Variants in PIAS2 observed in about 807,000 individuals in gnomAD.
PIAS2 encodes the protein protein inhibitor of activated STAT 2.
Under a neutral mutation model 69.7 loss-of-function variants are expected in PIAS2, and 19 were observed. The ratio of observed to expected loss-of-function variants is 0.27; its 90% CI spans 0.19 to 0.40. The LOEUF (loss-of-function observed/expected upper bound fraction) is 0.40, where lower values mean the gene tolerates loss of function less well. Among genes scored for constraint, PIAS2 ranks in the 10% least tolerant of loss-of-function variants. The pLI is 1.00. For synonymous variants in PIAS2, 261 were observed against 263.2 expected, an observed-to-expected ratio of 0.99 and a Z score of 0.08; for missense variants, 624 against 757.0, an observed-to-expected ratio of 0.82 and a Z score of 2.06.
chr18:46,834,902 T>C (rs2044207866), intron 9 of PIAS2, among the ~76,000 whole-genome samples: 1 of 152,216 alleles, frequency 6.6e-6, no homozygotes. Flanking sequence ...AGCTTACTCC[T>C]CCTGGGAGGC....
rs2053931629 is a variant in PIAS2 at position 46,890,626 on chromosome 18, C to T, written c.453G>A (p.Leu151=). 6.2e-7 allele frequency: 1 copy of T among 1,613,916 alleles called. No individual in the cohort carries two copies. The highest frequency in any genetic ancestry group is 1.7e-5 in the Admixed American group (1 of 59,996). The change falls in exon 2 of 14, where the codon CTG becomes CTA. Residue 151 remains leucine (L), a synonymous_variant. Transcript: ENST00000585916. Reference sequence around the variant, plus strand: ...GAACATCAAGGACATCATAAAAGGGCAGATTTTTTAACTGCACATCAGGAT... The same window carrying T: ...GAACATCAAGGACATCATAAAAGGGTAGATTTTTTAACTGCACATCAGGAT... ...PVHPDVQLKN[L]PFYDVLDVLI...
At chr18:46,914,490 G>A (rs1187451242) in intron 1 of PIAS2, among the ~76,000 whole-genome samples, 1 of 152,064 alleles carries the variant, frequency 6.6e-6, no homozygotes, top group Non-Finnish European at 1.5e-5. Context: ...ACTGGCTCAC[G>A]CAGCAGTCTC....
At chr18:46,841,724 C>G (rs2145189781) in intron 8 of PIAS2, among the ~76,000 whole-genome samples, 1 of 152,314 alleles carries the variant, frequency 6.6e-6, no homozygotes, top group Non-Finnish European at 1.5e-5. Context: ...AAGACAGTCT[C>G]ACGAATAGAC....
Position 46,840,752 on chromosome 18 carries a change from T to G in PIAS2, c.1041+3302A>C, listed in dbSNP as rs1431354996. On this transcript the variant is annotated intron_variant, in intron 8 of 13. Coordinates refer to ENST00000585916, the MANE Select transcript of PIAS2 (RefSeq NM_004671.5). ...AAAGGACCTGAATGTGCCACCAAAA[T>G]AAATTCTAATTCTAATTTAATCAGA... Among the ~76,000 whole-genome samples, 4 of 152,224 alleles carry G rather than the reference T, an allele frequency of 2.6e-5. No individual in the cohort carries two copies. The East Asian group carries it at 5.8e-4, about 22-fold the overall frequency.
intron 2 of PIAS2, among the ~76,000 whole-genome samples, chr18:46,870,045 C>A (rs994783623): frequency 6.6e-6 from 1 of 152,070 alleles, no homozygotes; most frequent in Non-Finnish European, 1.5e-5. Context: ...GTGCACAGGA[C>A]CCCCTTCACT....
Position 46,846,776 on chromosome 18 carries a change from T to A in PIAS2, c.792A>T (p.Thr264=). Residue 264 remains threonine, a synonymous_variant, in exon 6 of 14, where the codon ACA becomes ACT. Coordinates refer to ENST00000585916, the MANE Select transcript of PIAS2 (RefSeq NM_004671.5). ...CAGCTGAAGATAACCTAACTAAAGATGTAATATTCAAGGGGCGTCCAGGGC... is the reference window on the plus strand; with the variant it reads ...CAGCTGAAGATAACCTAACTAAAGAAGTAATATTCAAGGGGCGTCCAGGGC... ...QKRPGRPLNI[T]SLVRLSSAVP... is the part of the protein sequence containing the mutation. 1 of 1,613,212 alleles carries A rather than the reference T, an allele frequency of 6.2e-7. No individual in the cohort carries two copies. Among genetic ancestry groups the A allele is most frequent in the African/African-American group, 1.3e-5 (1 of 75,016 alleles).
chr18:46,859,554 G>A (rs563308674), intron 3 of PIAS2, among the ~76,000 whole-genome samples: 4 of 151,918 alleles, frequency 2.6e-5, no homozygotes, highest in East Asian at 3.9e-4. Flanking sequence ...TTAAGGAAAC[G>A]AGTAATGCAG....
At chr18:46,872,988 G>A (rs1434597543) in intron 2 of PIAS2, among the ~76,000 whole-genome samples, 4 of 152,108 alleles carry the variant, frequency 2.6e-5, no homozygotes, top group South Asian at 2.1e-4. Flanking sequence ...GTAGCTTTAG[G>A]GGTGCTTACT....
intron 2 of PIAS2, among the ~76,000 whole-genome samples, chr18:46,877,347 T>C (rs2051380587): frequency 6.6e-6 from 1 of 152,208 alleles, no homozygotes; most frequent in South Asian, 2.1e-4. Flanking sequence ...GTAACTTCCT[T>C]GTTCTTTGTT....
intron 12 of PIAS2, among the ~76,000 whole-genome samples, chr18:46,818,903 A>G (rs980813377): frequency 5.9e-5 from 9 of 152,108 alleles, no homozygotes; most frequent in Non-Finnish European, 1.3e-4. Flanking sequence ...TTTTTACCAA[A>G]TAGCCAGTTC....
chr18:46,846,938 C>T, intron 5 of PIAS2, 97 bp from the exon 6 acceptor site: 1 of 1,062,472 alleles, frequency 9.4e-7, no homozygotes, highest in Non-Finnish European at 1.3e-6. Context: ...ATTTCAGTTA[C>T]ACTATTTTTA....
rs1393045007 is a variant in PIAS2 at position 46,803,757 on chromosome 18, C to G, written c.*8676G>C. The G allele has an allele frequency of 1.3e-5, 2 of 152,204 alleles. No individual in the cohort carries two copies. Among genetic ancestry groups the G allele is most frequent in the Non-Finnish European group, 2.9e-5 (2 of 68,036 alleles). 9.4% of individuals were successfully genotyped at this position (152,204 alleles called of 1,614,324 possible). A position where few individuals can be genotyped will look rare whatever the true frequency, so the allele number is the denominator to read the frequency against. On this transcript the variant is annotated 3_prime_UTR_variant, in exon 14 of 14. Coordinates refer to ENST00000585916, the MANE Select transcript of PIAS2 (RefSeq NM_004671.5). ...GACCCAGATAAGGTGGTCCTCAGTA[C>G]ATAACCTAGAGTAGATCATATGAAG...
At chr18:46,852,436 C>T (rs879568949) in intron 5 of PIAS2, among the ~76,000 whole-genome samples, 1 of 152,198 alleles carries the variant, frequency 6.6e-6, no homozygotes, top group Non-Finnish European at 1.5e-5. Flanking sequence ...TCCTCCTTCA[C>T]AACTGCCCAT....
chr18:46,918,254 C>A (rs1211581527), upstream of PIAS2, among the ~76,000 whole-genome samples: 3 of 152,086 alleles, frequency 2.0e-5, no homozygotes, highest in African/African-American at 7.2e-5. Context: ...GTCAAGATGG[C>A]CAGAAAAATC....
In PIAS2 at chr18:46,828,146, C is replaced by T. The variant is rs1319101481; in HGVS notation, c.1337-16G>A. The T allele has an allele frequency of 1.9e-6, 3 of 1,566,252 alleles. No individual in the cohort carries two copies. The highest frequency in any genetic ancestry group is 1.7e-6 in the Non-Finnish European group (2 of 1,160,364). On this transcript the variant is annotated splice_polypyrimidine_tract_variant and intron_variant, in intron 10 of 13. Coordinates refer to ENST00000585916, the MANE Select transcript of PIAS2 (RefSeq NM_004671.5). ...ACGCTTGAACCTGCATGTAAAGAAA[C>T]AAAAGGAAAAAAAAATTAAAGGTAT...
chr18:46,910,595 A>G (rs1303919542), intron 1 of PIAS2, among the ~76,000 whole-genome samples: 1 of 152,194 alleles, frequency 6.6e-6, no homozygotes, highest in Admixed American at 6.5e-5. Flanking sequence ...ATGAAAGATG[A>G]TAGAAGAACT....
chr18:46,858,025 A>T lies in PIAS2; in HGVS notation c.585-2410T>A, dbSNP rs546838643. Among the ~76,000 whole-genome samples, 3 of 152,314 alleles carry T rather than the reference A, an allele frequency of 2.0e-5. No homozygotes were observed. The East Asian group carries it at 5.8e-4, about 29-fold the overall frequency. ...AGAGACAAATGACACATTAAAGCAA[A>T]TCTGGAAAGGCATCACAGGGGACGT... On this transcript the variant is annotated intron_variant, in intron 3 of 13. Coordinates refer to ENST00000585916, the MANE Select transcript of PIAS2 (RefSeq NM_004671.5).
At chr18:46,855,992 CT>C (rs1256937354) in intron 3 of PIAS2, among the ~76,000 whole-genome samples, 2 of 69,148 alleles carry the variant, frequency 2.9e-5, no homozygotes, top group African/African-American at 1.1e-4. Flanking sequence ...TTTTCTTTTT[CT>C]TTTGTTTTTT....
intron 2 of PIAS2, among the ~76,000 whole-genome samples, chr18:46,875,311 C>T (rs1270361779): frequency 3.3e-5 from 5 of 152,162 alleles, no homozygotes; most frequent in African/African-American, 1.2e-4. Context: ...GGATGGACAG[C>T]CAGGCCCCCT....
Sources: gnomAD v4.1 joint callset for allele counts (sites outside exome capture counted in the v4.1 genomes callset) on GRCh38, gnomAD v4.1.1 for gene constraint, MANE v1.5 for transcripts, NCBI Gene and HGNC (gene_info 2026-07-23, HGNC 2026-07-21) for gene names.